The following DDX52 variants were observed in gnomAD, a reference collection of about 807,000 sequenced individuals.
DDX52 encodes the protein DExD-box helicase 52.
A neutral mutation model predicts 76.1 loss-of-function variants in DDX52; 59 were observed. The observed-to-expected ratio is 0.78, with a 90% CI of 0.63 to 0.96. The LOEUF is 0.96. DDX52 is among the 40% of genes least tolerant of loss of function. The pLI, the probability that DDX52 is intolerant of heterozygous loss-of-function variation, is 0.00. For synonymous variants in DDX52, 231 were observed against 244.1 expected (o/e 0.95, Z 0.50); for missense variants, 707 against 703.9 (o/e 1.00, Z -0.05).
chr17:37,634,816 A>T (rs918184213), intron 2 of DDX52, among the ~76,000 whole-genome samples: 5 of 141,634 alleles, frequency 3.5e-5, no homozygotes, highest in Admixed American at 1.4e-4. Context: ...ACTAACCTAA[A>T]TTTTTTTTTT....
intron 9 of DDX52, among the ~76,000 whole-genome samples, chr17:37,622,962 T>C (rs1255709836): frequency 6.6e-6 from 1 of 152,202 alleles, no homozygotes. Flanking sequence ...AAGGAAAATG[T>C]GGAAGAGAGG....
At position 37,642,317 on chromosome 17, in the gene DDX52, CA is replaced by C. The variant is rs778372326; in HGVS notation, c.88-10del. On this transcript the variant is annotated splice_polypyrimidine_tract_variant and intron_variant, in intron 1 of 14. Transcript: ENST00000617633. ...TATTTCCTTTTTCCTATCTAAAACC[CA>C]AAAAATGTAAAATGAAACCTACTGA... The C allele has an allele frequency of 4.5e-5, 72 of 1,608,388 alleles. No homozygotes were observed. The highest frequency in any genetic ancestry group is 6.0e-5 in the Non-Finnish European group (71 of 1,177,466).
intron 6 of DDX52, among the ~76,000 whole-genome samples, chr17:37,627,283 A>G (rs962793995): frequency 3.3e-4 from 50 of 152,236 alleles, no homozygotes; most frequent in African/African-American, 1.0e-3. Flanking sequence ...GCTCACTGCA[A>G]GCTCTGCCTC....
At chr17:37,632,372 T>TA in intron 3 of DDX52, 74 bp from the exon 4 acceptor site, 1 of 1,542,456 alleles carries the variant, frequency 6.5e-7, no homozygotes, top group Non-Finnish European at 8.9e-7. Context: ...AAAGCAACAT[T>TA]AACAGTTTCT....
chr17:37,636,172 T>A (rs951925872), intron 2 of DDX52, among the ~76,000 whole-genome samples: 2 of 152,242 alleles, frequency 1.3e-5, no homozygotes, highest in African/African-American at 4.8e-5. Context: ...AACCTTGACA[T>A]ATCTCAAGGC....
At position 37,610,290 on chromosome 17, in the gene DDX52, ATTTTTTTTTTTTTTTTT is replaced by A. The variant is rs33944123; in HGVS notation, c.*3989_*4005del. 5.1e-5 allele frequency: 4 copies of A among 77,950 alleles called. No individual in the cohort carries two copies. The highest frequency in any genetic ancestry group is 1.0e-4 in the African/African-American group (2 of 19,814). 4.8% of individuals were successfully genotyped at this position (77,950 alleles called of 1,614,324 possible). On this transcript the variant is annotated 3_prime_UTR_variant, in exon 15 of 15. Transcript: ENST00000617633. ...AGGCATGCACCACCACACCGGGCCA[ATTTTTTTTTTTTTTTTT>A]TTTTTTTTTTTTGTAGAGATAGGAT...
rs753213624 is a variant in DDX52 at position 37,642,318 on chromosome 17, A to C, written c.88-10T>G. 3.7e-6 allele frequency: 6 copies of C among 1,607,596 alleles called. No individual in the cohort carries two copies. The highest frequency in any genetic ancestry group is 5.1e-6 in the Non-Finnish European group (6 of 1,176,372). On this transcript the variant is annotated splice_polypyrimidine_tract_variant and intron_variant, in intron 1 of 14. Coordinates refer to ENST00000617633, the MANE Select transcript of DDX52 (RefSeq NM_007010.5). Reference sequence around the variant, plus strand: ...ATTTCCTTTTTCCTATCTAAAACCCAAAAAATGTAAAATGAAACCTACTGA... The same window carrying C: ...ATTTCCTTTTTCCTATCTAAAACCCCAAAAATGTAAAATGAAACCTACTGA...
chr17:37,621,375 T>C lies in DDX52; in HGVS notation c.1350+23A>G, dbSNP rs763331813. On this transcript the variant is annotated intron_variant, in intron 10 of 14. Transcript: ENST00000617633. ...TAAAATCAAGTAGTTCTTCTGAGTT[T>C]CAAAGTATATATTTGACTTTACCTG... The C allele has an allele frequency of 1.9e-6, 3 of 1,602,142 alleles. No homozygotes were observed. The Admixed American group carries it at 5.2e-5, about 28-fold the overall frequency.
At chr17:37,626,986 C>T (rs2030415276) in intron 6 of DDX52, 126 bp from the exon 7 acceptor site, 2 of 679,494 alleles carry the variant, frequency 2.9e-6, no homozygotes, top group Non-Finnish European at 5.1e-6. Flanking sequence ...CAACACAAAA[C>T]TATTATATCC....
rs759818696 is a variant in DDX52, at chr17:37,632,175, G to A, written c.541C>T (p.Leu181=). The A allele has an allele frequency of 6.2e-6, 10 of 1,613,654 alleles. No individual in the cohort carries two copies. Among genetic ancestry groups the A allele is most frequent in the Non-Finnish European group, 8.5e-6 (10 of 1,179,966 alleles). Residue 181 remains leucine, a synonymous_variant, in exon 4 of 15, where the codon CTA becomes TTA. Coordinates refer to ENST00000617633, the MANE Select transcript of DDX52 (RefSeq NM_007010.5). ...KINSRLLQNI[L]DAGFQMPTPI... is the part of the protein sequence containing the mutation. ...GTAGGCATTTGGAAACCTGCATCTA[G>A]AATGTTCTGAAGTAGTCGAGAATTG...
intron 2 of DDX52, among the ~76,000 whole-genome samples, chr17:37,640,577 T>C (rs192527742): frequency 1.3e-5 from 2 of 151,764 alleles, no homozygotes; most frequent in African/African-American, 4.8e-5. Flanking sequence ...AGGAAGGAAC[T>C]TTACTTTTCA....
At chr17:37,615,454 G>A (rs1215344410) in intron 14 of DDX52, among the ~76,000 whole-genome samples, 1 of 152,152 alleles carries the variant, frequency 6.6e-6, no homozygotes, top group African/African-American at 2.4e-5. Context: ...GAGGTAGGCA[G>A]ATCGCTTGAG....
intron 2 of DDX52, among the ~76,000 whole-genome samples, chr17:37,641,400 CAAA>C (rs796809892): frequency 7.8e-6 from 1 of 128,198 alleles, no homozygotes. Context: ...AGACTCATCT[CAAA>C]AAAAAAAAAA....
At chr17:37,621,062 G>C (rs986972824) in intron 11 of DDX52, 65 bp downstream of exon 11, 163 of 1,563,104 alleles carry the variant, frequency 1.0e-4, no homozygotes, top group Non-Finnish European at 1.3e-4. Context: ...TATGTGCAGG[G>C]AATAGCAGGG....
In DDX52 at chr17:37,613,851, TCAC is replaced by T. The variant is rs2064394445; in HGVS notation, c.*442_*444del. The T allele has an allele frequency of 6.5e-6, 1 of 153,950 alleles. No individual in the cohort carries two copies. The highest frequency in any genetic ancestry group is 1.4e-5 in the Non-Finnish European group (1 of 69,008). 9.5% of individuals were successfully genotyped at this position (153,950 alleles called of 1,614,324 possible). A position where few individuals can be genotyped will look rare whatever the true frequency, so the allele number is the denominator to read the frequency against. ...CTTGAAGGGAAAAGTCCTTAAGAGT[TCAC>T]CACATTTTGGTGTTATTTTTAGCAT... On this transcript the variant is annotated 3_prime_UTR_variant, in exon 15 of 15. Transcript: ENST00000617633.
intron 2 of DDX52, 139 bp from the exon 3 acceptor site, chr17:37,633,557 G>A (rs2030786908): frequency 4.0e-6 from 2 of 502,108 alleles, no homozygotes; most frequent in African/African-American, 2.0e-5. Flanking sequence ...TTAGGAGGCT[G>A]AGTGGGGAGG....
intron 2 of DDX52, chr17:37,639,362 T>G: frequency 1.0e-6 from 1 of 985,396 alleles, no homozygotes; most frequent in Non-Finnish European, 1.2e-6. Context: ...TAAAAAAATT[T>G]TGTTCCCTTT....
At chr17:37,628,879 T>C (rs1354474430) in intron 5 of DDX52, among the ~76,000 whole-genome samples, 1 of 152,160 alleles carries the variant, frequency 6.6e-6, no homozygotes, top group Non-Finnish European at 1.5e-5. Flanking sequence ...TGGAATAAAC[T>C]AGTTCCCAGA....
At position 37,621,171 on chromosome 17, in the gene DDX52, T is replaced by C. The variant is rs2030067192; in HGVS notation, c.1457A>G (p.Asn486Ser). 5.0e-6 allele frequency: 8 copies of C among 1,613,498 alleles called. No individual in the cohort carries two copies. The highest frequency in any genetic ancestry group is 2.7e-5 in the African/African-American group (2 of 74,884). The change falls in exon 11 of 15, where the codon AAC becomes AGC. Residue 486 changes from asparagine (N) to serine (S), a missense_variant. Coordinates refer to ENST00000617633, the MANE Select transcript of DDX52 (RefSeq NM_007010.5). ...CACTGAGCTAGTTGGAAAGTCATAG[T>C]TGATCACCAAGTTCACACCTTTAAA... ...IDFKGVNLVINYDFPTSSVEY... is the reference protein window; with the variant it reads ...IDFKGVNLVISYDFPTSSVEY...
Sources: gnomAD v4.1 joint callset for allele counts (sites outside exome capture counted in the v4.1 genomes callset) on GRCh38, gnomAD v4.1.1 for gene constraint, MANE v1.5 for transcripts, NCBI Gene and HGNC (gene_info 2026-07-23, HGNC 2026-07-21) for gene names.